SNTN: variants seen among roughly 807,000 people sequenced by gnomAD.
SNTN encodes the protein sentan.
Under a neutral mutation model 12.3 loss-of-function variants are expected in SNTN, and 13 were observed. The observed-to-expected ratio is 1.05, with a 90% confidence interval of 0.69 to 1.67. The LOEUF is 1.67. Ranked by LOEUF, SNTN falls within the 40% of genes most tolerant of loss-of-function variation. The pLI is 0.00. For synonymous variants in SNTN, 69 were observed against 58.5 expected (o/e 1.18, Z -0.82); for missense variants, 189 against 169.8 (o/e 1.11, Z -0.63).
In SNTN at chr3:63,664,221, CTGGT is replaced by C; in HGVS notation, c.*127_*130del. The C allele has an allele frequency of 4.5e-6, 4 of 889,472 alleles. No individual in the cohort carries two copies. Among genetic ancestry groups the C allele is most frequent in the Non-Finnish European group, 6.7e-6 (4 of 601,470 alleles). The allele number at this position is 889,472 out of a possible 1,614,324, so 55.1% of individuals were successfully genotyped here. On this transcript the variant is annotated 3_prime_UTR_variant, in exon 4 of 4. Transcript: ENST00000343837. ...AAATTGCCTAGGATGGTTCTGATTG[CTGGT>C]ATTCAGATCCAATGTAACTCCAAAT...
Position 63,664,227 on chromosome 3 carries a change from T to C in SNTN, c.*132T>C, listed in dbSNP as rs1453756421. 4.9e-6 allele frequency: 4 copies of C among 814,072 alleles called. No homozygotes were observed. Among genetic ancestry groups the C allele is most frequent in the Non-Finnish European group, 7.5e-6 (4 of 533,770 alleles). The allele number at this position is 814,072 out of a possible 1,614,324, so 50.4% of individuals were successfully genotyped here. On this transcript the variant is annotated 3_prime_UTR_variant, in exon 4 of 4. Coordinates refer to ENST00000343837, the MANE Select transcript of SNTN (RefSeq NM_001080537.2). ...CCTAGGATGGTTCTGATTGCTGGTA[T>C]TCAGATCCAATGTAACTCCAAATAT...
chr3:63,661,987 T>A (rs1700748425), intron 3 of SNTN, among the ~76,000 whole-genome samples: 1 of 152,306 alleles, frequency 6.6e-6, no homozygotes, highest in African/African-American at 2.4e-5. Context: ...TTCAGCCTCA[T>A]GTCTCTCAGT....
At chr3:63,661,434 T>C (rs900659717) in intron 3 of SNTN, among the ~76,000 whole-genome samples, 9 of 152,190 alleles carry the variant, frequency 5.9e-5, no homozygotes, top group Non-Finnish European at 5.9e-5. Context: ...TTATATAAGA[T>C]GTCACCCACT....
intron 3 of SNTN, among the ~76,000 whole-genome samples, chr3:63,662,528 G>A (rs1028359115): frequency 1.2e-4 from 19 of 152,210 alleles, no homozygotes. Context: ...GGAAATAAAA[G>A]AAGACCAATA....
At chr3:63,663,241 C>A (rs1700760900) in intron 3 of SNTN, among the ~76,000 whole-genome samples, 1 of 152,182 alleles carries the variant, frequency 6.6e-6, no homozygotes, top group South Asian at 2.1e-4. Context: ...ACACCAAAAT[C>A]TTCCAGCTTG....
In SNTN at chr3:63,664,003, C is replaced by G. The variant is rs749060054; in HGVS notation, c.352C>G (p.Leu118Val). The change falls in exon 4 of 4, where the codon CTA becomes GTA. Residue 118 changes from leucine (L) to valine (V), a missense_variant. Physicochemically the swap from Leu to Val is conservative, Grantham distance 32. Transcript: ENST00000343837. ...ACTTGATGAGCACACAGAAAATAAG[C>G]TAGATTTTGAAGACTTCATGATCTT... ...SELDEHTENK[L>V]DFEDFMILLL... 28 of 1,613,874 alleles carry G rather than the reference C, an allele frequency of 1.7e-5. No homozygotes were observed. The highest frequency in any genetic ancestry group is 2.2e-5 in the Non-Finnish European group (26 of 1,179,978).
At chr3:63,653,233 G>A (rs1236821494) in intron 1 of SNTN, among the ~76,000 whole-genome samples, 3 of 152,180 alleles carry the variant, frequency 2.0e-5, no homozygotes, top group African/African-American at 7.2e-5. Flanking sequence ...CAAGTTCTAG[G>A]TAGTCTGCGA....
intron 2 of SNTN, among the ~76,000 whole-genome samples, chr3:63,656,705 A>T (rs2106939713): frequency 6.6e-6 from 1 of 152,290 alleles, no homozygotes; most frequent in Non-Finnish European, 1.5e-5. Flanking sequence ...AGATAATATA[A>T]ACAGAGTGTT....
At chr3:63,655,494 ATAT>A (rs1013377886) in intron 2 of SNTN, among the ~76,000 whole-genome samples, 4 of 152,178 alleles carry the variant, frequency 2.6e-5, no homozygotes, top group African/African-American at 9.7e-5. Flanking sequence ...AACTATTTTT[ATAT>A]TATTACAACA....
intron 2 of SNTN, among the ~76,000 whole-genome samples, chr3:63,655,546 C>G (rs143727999): frequency 1.1e-4 from 17 of 152,122 alleles, no homozygotes; most frequent in Non-Finnish European, 2.4e-4. Flanking sequence ...ATTTACACAA[C>G]TTCAGGCACT....
chr3:63,659,467 G>A (rs2106941984), intron 2 of SNTN, among the ~76,000 whole-genome samples: 1 of 152,174 alleles, frequency 6.6e-6, no homozygotes, highest in African/African-American at 2.4e-5. Context: ...AGAGGTGAGA[G>A]ACTTTTCTAA....
chr3:63,652,769 A>G lies in SNTN; in HGVS notation c.82A>G (p.Thr28Ala), dbSNP rs999104172. Residue 28 changes from threonine to alanine, a missense_variant, in exon 1 of 4, where the codon ACC becomes GCC. Thr to Ala is a moderately conservative substitution (Grantham distance 58). Coordinates refer to ENST00000343837, the MANE Select transcript of SNTN (RefSeq NM_001080537.2). ...DPNPSAAPTS[T>A]CAPRKMPKRI... is the part of the protein sequence containing the mutation. ...CAATCCTTCTGCAGCCCCAACATCCACCTGCGCACCTAGGAAAATGCCCAA... is the reference window on the plus strand; with the variant it reads ...CAATCCTTCTGCAGCCCCAACATCCGCCTGCGCACCTAGGAAAATGCCCAA... The G allele has an allele frequency of 1.8e-5, 29 of 1,613,826 alleles. No homozygotes were observed. Among genetic ancestry groups the G allele is most frequent in the Admixed American group, 1.7e-5 (1 of 59,964 alleles).
At position 63,664,267 on chromosome 3, in the gene SNTN, C is replaced by A; in HGVS notation, c.*172C>A. 1.7e-6 allele frequency: 1 copy of A among 595,664 alleles called. No individual in the cohort carries two copies. The allele number at this position is 595,664 out of a possible 1,614,324, so 36.9% of individuals were successfully genotyped here. A position where few individuals can be genotyped will look rare whatever the true frequency, so the allele number is the denominator to read the frequency against. On this transcript the variant is annotated 3_prime_UTR_variant, in exon 4 of 4. Transcript: ENST00000343837. ...ACTCCAAATATTTACCCATACACTT[C>A]AAGAATGTTTGAATGATAAGGTCTC...
At chr3:63,663,697 C>T in intron 3 of SNTN, 1 of 629,080 alleles carries the variant, frequency 1.6e-6, no homozygotes, top group Non-Finnish European at 2.9e-6. Flanking sequence ...CATACACCAG[C>T]TCCCCTTCAC....
chr3:63,662,578 T>C (rs1397781597), intron 3 of SNTN, among the ~76,000 whole-genome samples: 1 of 152,178 alleles, frequency 6.6e-6, no homozygotes, highest in African/African-American at 2.4e-5. Flanking sequence ...GCCATTCTGC[T>C]AGTAAAGTGG....
chr3:63,656,539 G>A (rs1232136502), intron 2 of SNTN, among the ~76,000 whole-genome samples: 1 of 152,082 alleles, frequency 6.6e-6, no homozygotes, highest in African/African-American at 2.4e-5. Flanking sequence ...ATGTTGAAAT[G>A]ATAATATTTT....
intron 3 of SNTN, among the ~76,000 whole-genome samples, chr3:63,660,074 TA>T (rs1700727773): frequency 6.6e-6 from 1 of 152,010 alleles, no homozygotes; most frequent in Non-Finnish European, 1.5e-5. Context: ...ACTAAAAAAG[TA>T]ATTAAAAATA....
chr3:63,663,882 C>T (rs1375674333), intron 3 of SNTN, 55 bp from the exon 4 acceptor site: 6 of 1,561,418 alleles, frequency 3.8e-6, no homozygotes, highest in Non-Finnish European at 5.3e-6. Context: ...TGTTTATGAT[C>T]TGTAAACCTA....
intron 1 of SNTN, among the ~76,000 whole-genome samples, chr3:63,653,501 C>A (rs959392110): frequency 2.2e-4 from 34 of 151,986 alleles, no homozygotes; most frequent in Non-Finnish European, 2.9e-5. Context: ...TGTAATGTTA[C>A]AAGTGAAAAA....
Sources: allele counts gnomAD v4.1 joint callset (sites outside exome capture counted in the v4.1 genomes callset), GRCh38; gene constraint gnomAD v4.1.1; transcripts MANE v1.5; gene names NCBI Gene and HGNC (gene_info 2026-07-23, HGNC 2026-07-21).